Variants in GALNT10 observed in about 807,000 individuals in gnomAD.
The protein encoded by GALNT10 is GalNAc transferase 10.
Under a neutral mutation model 75.0 loss-of-function variants are expected in GALNT10, and 41 were observed. The ratio of observed to expected loss-of-function variants is 0.55; its 90% CI spans 0.43 to 0.71. The LOEUF (loss-of-function observed/expected upper bound fraction) is 0.71. Ranked by LOEUF, GALNT10 falls within the 30% of genes least tolerant of loss-of-function variation. The pLI is 0.00. For synonymous variants in GALNT10, 302 were observed against 313.0 expected, an observed-to-expected ratio of 0.96 and a Z score of 0.37; for missense variants, 727 against 818.5, an observed-to-expected ratio of 0.89 and a Z score of 1.36.
intron 1 of GALNT10, among the ~76,000 whole-genome samples, chr5:154,191,684 C>A (rs1402767600): frequency 6.6e-6 from 1 of 152,254 alleles, no homozygotes; most frequent in Non-Finnish European, 1.5e-5. Flanking sequence ...GCTCCTGGTC[C>A]TTGAGGGACC....
chr5:154,359,340 G>A (rs556528201), intron 4 of GALNT10, among the ~76,000 whole-genome samples: 15 of 152,094 alleles, frequency 9.9e-5, no homozygotes, highest in African/African-American at 2.9e-4. Context: ...TTATGAGGTC[G>A]GTGGAGCAGT....
At chr5:154,369,395 A>G (rs1311625002) in intron 4 of GALNT10, among the ~76,000 whole-genome samples, 1 of 152,126 alleles carries the variant, frequency 6.6e-6, no homozygotes, top group Non-Finnish European at 1.5e-5. Context: ...CTCAAAAACA[A>G]ACAAAAAAAA....
chr5:154,278,064 G>T (rs1296898833), intron 1 of GALNT10, among the ~76,000 whole-genome samples: 3 of 152,322 alleles, frequency 2.0e-5, no homozygotes, highest in Admixed American at 1.3e-4. Flanking sequence ...GGACCAGATG[G>T]GTGACGGATG....
In GALNT10 at chr5:154,376,806, G is replaced by C. The variant is rs577294693; in HGVS notation, c.754+344G>C. On this transcript the variant is annotated intron_variant, in intron 5 of 11. Coordinates refer to ENST00000297107, the MANE Select transcript of GALNT10 (RefSeq NM_198321.4). This position sits in a 1 kb window ranked among gnomAD's most constrained non-coding sequence, Gnocchi z 4.1. ...GCTGTTTGCTGTTAATAGCCAAACT[G>C]TGGGGGACATCATCATATCAACTTA... 6.6e-6 allele frequency among the ~76,000 whole-genome samples: 1 copy of C among 152,296 alleles called. No individual in the cohort carries two copies. Among genetic ancestry groups the C allele is most frequent in the African/African-American group, 2.4e-5 (1 of 41,554 alleles).
chr5:154,406,963 C>T (rs960827120), intron 8 of GALNT10, among the ~76,000 whole-genome samples: 1 of 152,202 alleles, frequency 6.6e-6, no homozygotes, highest in African/African-American at 2.4e-5. Flanking sequence ...GACAAACAGC[C>T]AGACAGCCTT....
intron 1 of GALNT10, among the ~76,000 whole-genome samples, chr5:154,243,346 G>A (rs983825354): frequency 6.6e-6 from 1 of 152,160 alleles, no homozygotes; most frequent in African/African-American, 2.4e-5. Context: ...AATATTTGTT[G>A]AACAAATTAT....
At position 154,295,421 on chromosome 5, in the gene GALNT10, A is replaced by G. The variant is rs78055487; in HGVS notation, c.262+503A>G. ...GCCTGTGGCGCTAAGAGGGGTGGTA[A>G]TCTGCCCACTGTTGCACAGAAAGAG... On this transcript the variant is annotated intron_variant, in intron 2 of 11. Transcript: ENST00000297107. Among the ~76,000 whole-genome samples, 1,282 of 139,510 alleles carry G rather than the reference A, an allele frequency of 9.2e-3. 18 individuals are homozygous for G. Among genetic ancestry groups the G allele is most frequent in the African/African-American group, 0.034 (1,208 of 36,012 alleles). 91.5% of individuals were successfully genotyped at this position (139,510 alleles called of 152,430 possible). A position where few individuals can be genotyped will look rare whatever the true frequency, so the allele number is the denominator to read the frequency against.
intron 3 of GALNT10, among the ~76,000 whole-genome samples, chr5:154,305,581 T>C (rs1383561665): frequency 6.6e-6 from 1 of 152,128 alleles, no homozygotes; most frequent in African/African-American, 2.4e-5. Flanking sequence ...TCAGTCAAAA[T>C]AGATTTCAGA....
chr5:154,368,251 A>T lies in GALNT10; in HGVS notation c.569-8026A>T, dbSNP rs79599439. On this transcript the variant is annotated intron_variant, in intron 4 of 11. Transcript: ENST00000297107. ...ATCACCAGAAAGGAATGTACCCAGC[A>T]TAGATCCTGGCACAGCAGGAGCTCA... 5.3e-3 allele frequency among the ~76,000 whole-genome samples: 801 copies of T among 152,362 alleles called. 8 individuals carry two copies. The highest frequency in any genetic ancestry group is 0.029 in the South Asian group (142 of 4,832).
intron 3 of GALNT10, among the ~76,000 whole-genome samples, chr5:154,312,461 G>A (rs1396961366): frequency 6.6e-6 from 1 of 152,152 alleles, no homozygotes; most frequent in African/African-American, 2.4e-5. Context: ...AGTATATAGA[G>A]ACATATGAAT....
At chr5:154,266,225 C>T (rs1211902546) in intron 1 of GALNT10, among the ~76,000 whole-genome samples, 1 of 151,966 alleles carries the variant, frequency 6.6e-6, no homozygotes, top group African/African-American at 2.4e-5. Flanking sequence ...CTTTTAATAG[C>T]AGGAAATTTC....
intron 1 of GALNT10, chr5:154,218,277 A>C (rs1014652382): frequency 1.2e-4 from 31 of 260,778 alleles, no homozygotes; most frequent in Non-Finnish European, 1.9e-4. Flanking sequence ...AGAGATTCTC[A>C]TTGAATTCTC....
intron 4 of GALNT10, among the ~76,000 whole-genome samples, chr5:154,340,291 T>C (rs1218509927): frequency 1.3e-5 from 2 of 152,194 alleles, no homozygotes; most frequent in African/African-American, 2.4e-5. Flanking sequence ...TATATAGCAC[T>C]TTCTATGTGC....
intron 1 of GALNT10, among the ~76,000 whole-genome samples, chr5:154,236,157 A>G (rs189004570): frequency 6.6e-6 from 1 of 152,294 alleles, no homozygotes; most frequent in East Asian, 1.9e-4. Context: ...CCTTGTGTTC[A>G]CAGTTCCAAT....
chr5:154,232,822 C>T (rs1753171104), intron 1 of GALNT10, among the ~76,000 whole-genome samples: 2 of 152,088 alleles, frequency 1.3e-5, no homozygotes, highest in Non-Finnish European at 1.5e-5. Flanking sequence ...TGCATTTCTT[C>T]CTATTTTTCA....
chr5:154,341,845 GA>G (rs2113131757), intron 4 of GALNT10, among the ~76,000 whole-genome samples: 1 of 152,322 alleles, frequency 6.6e-6, no homozygotes, highest in Non-Finnish European at 1.5e-5. Context: ...GGGGGATGGA[GA>G]ACGTAGTCAG....
intron 1 of GALNT10, among the ~76,000 whole-genome samples, chr5:154,285,544 A>G (rs1465043816): frequency 6.6e-6 from 1 of 152,062 alleles, no homozygotes; most frequent in Non-Finnish European, 1.5e-5. Context: ...TGACTGTCCA[A>G]GTTCTCAGGC....
rs1218235725 is a variant in GALNT10, at chr5:154,246,124, C to G, written c.160-48692C>G. ...GTTTCCAGTTTCATCCGTGTCCCTA[C>G]AAAGGACATGAATTCATCATTTTTT... On this transcript the variant is annotated intron_variant, in intron 1 of 11. Coordinates refer to ENST00000297107, the MANE Select transcript of GALNT10 (RefSeq NM_198321.4). 2.1e-5 allele frequency among the ~76,000 whole-genome samples: 3 copies of G among 143,082 alleles called. No individual in the cohort carries two copies. The South Asian group carries it at 7.0e-4, about 33-fold the overall frequency. 93.9% of individuals were successfully genotyped at this position (143,082 alleles called of 152,430 possible).
intron 7 of GALNT10, chr5:154,392,253 A>T (rs939834646): frequency 3.9e-5 from 6 of 152,202 alleles, no homozygotes; most frequent in African/African-American, 1.4e-4. Flanking sequence ...CTGCCTAGGA[A>T]CTACCCCACA....
Sources: allele counts gnomAD v4.1 joint callset (sites outside exome capture counted in the v4.1 genomes callset), GRCh38; gene constraint gnomAD v4.1.1; non-coding constraint Gnocchi (gnomAD v3.1); transcripts MANE v1.5; gene names NCBI Gene and HGNC (gene_info 2026-07-23, HGNC 2026-07-21).